SIPA1L1: variants seen among roughly 807,000 people sequenced by gnomAD.
SIPA1L1 encodes signal-induced proliferation-associated 1-like protein 1.
Under a neutral mutation model 162.7 loss-of-function variants are expected in SIPA1L1, and 26 were observed. That is an observed-to-expected ratio of 0.16 (90% CI 0.12 to 0.22). The LOEUF is 0.22. Among genes scored for constraint, SIPA1L1 ranks in the 10% least tolerant of loss-of-function variants. SIPA1L1 has a pLI of 1.00. For missense variants in SIPA1L1, 1,874 were observed against 2,241.0 expected (o/e 0.84, Z 3.31); for synonymous variants, 829 against 837.4 (o/e 0.99, Z 0.17).
intron 17 of SIPA1L1, among the ~76,000 whole-genome samples, chr14:71,712,068 C>G (rs1231998950): frequency 1.3e-5 from 2 of 152,166 alleles, no homozygotes; most frequent in African/African-American, 4.8e-5. Flanking sequence ...AAACTAAAAT[C>G]ACAGCAAATT....
intron 2 of SIPA1L1, among the ~76,000 whole-genome samples, chr14:71,462,640 G>A (rs537536100): frequency 2.6e-5 from 4 of 152,220 alleles, no homozygotes; most frequent in South Asian, 4.1e-4. Flanking sequence ...GAAGTGGAAG[G>A]TCCCTGAATT....
chr14:71,594,180 A>T (rs897065816), intron 5 of SIPA1L1, among the ~76,000 whole-genome samples: 3 of 152,180 alleles, frequency 2.0e-5, no homozygotes, highest in African/African-American at 7.2e-5. Flanking sequence ...GTAATCAGCC[A>T]TCTTTAACAT....
At chr14:71,598,601 T>A (rs1317388880) in intron 5 of SIPA1L1, among the ~76,000 whole-genome samples, 1 of 152,194 alleles carries the variant, frequency 6.6e-6, no homozygotes, top group Non-Finnish European at 1.5e-5. Context: ...AAGGAACTCT[T>A]AGAATCTATA....
intron 2 of SIPA1L1, among the ~76,000 whole-genome samples, chr14:71,328,519 A>G (rs942979064): frequency 3.3e-5 from 5 of 152,222 alleles, no homozygotes; most frequent in Admixed American, 1.3e-4. Context: ...TTTTAGATCT[A>G]TGCTTGACAA....
chr14:71,697,940 AAAAAC>A (rs1283993147), intron 13 of SIPA1L1, among the ~76,000 whole-genome samples: 5 of 151,820 alleles, frequency 3.3e-5, no homozygotes, highest in Non-Finnish European at 5.9e-5. Flanking sequence ...AAAACAAAAA[AAAAAC>A]CACAGAAAAC....
At chr14:71,439,477 T>A (rs1567024835) in intron 2 of SIPA1L1, among the ~76,000 whole-genome samples, 1 of 152,368 alleles carries the variant, frequency 6.6e-6, no homozygotes, top group African/African-American at 2.4e-5. Context: ...AAATATATTT[T>A]ATGAGTCAAC....
chr14:71,555,896 G>A (rs1208995908), intron 4 of SIPA1L1, among the ~76,000 whole-genome samples: 1 of 152,168 alleles, frequency 6.6e-6, no homozygotes, highest in African/African-American at 2.4e-5. Flanking sequence ...TCTTCTGTGA[G>A]TGCAGTTTGT....
At chr14:71,436,194 G>A (rs907569090) in intron 2 of SIPA1L1, among the ~76,000 whole-genome samples, 4 of 152,154 alleles carry the variant, frequency 2.6e-5, no homozygotes, top group Non-Finnish European at 5.9e-5. Flanking sequence ...AAGGAAATTA[G>A]CACTTTGTGA....
intron 13 of SIPA1L1, among the ~76,000 whole-genome samples, chr14:71,688,254 A>T (rs1177075172): frequency 1.3e-5 from 2 of 152,334 alleles, no homozygotes; most frequent in African/African-American, 2.4e-5. Context: ...CACTGACATG[A>T]TGCTCAAAGG....
At chr14:71,326,061 C>T (rs1161260183) in intron 2 of SIPA1L1, among the ~76,000 whole-genome samples, 1 of 152,094 alleles carries the variant, frequency 6.6e-6, no homozygotes. Context: ...CTCTTTCCTC[C>T]CACAGAGCAG....
chr14:71,686,141 G>A (rs1246688641), intron 13 of SIPA1L1, among the ~76,000 whole-genome samples: 6 of 152,336 alleles, frequency 3.9e-5, no homozygotes, highest in Middle Eastern at 3.4e-3. Context: ...AAAGAATAGT[G>A]AAGAGAAGAC....
chr14:71,426,925 T>G (rs2043613159), intron 2 of SIPA1L1, among the ~76,000 whole-genome samples: 1 of 152,250 alleles, frequency 6.6e-6, no homozygotes, highest in Admixed American at 6.5e-5. Context: ...AATGAACTAA[T>G]AAGAGATTAG....
chr14:71,738,800 C>G (rs1401976315), intron 23 of SIPA1L1, among the ~76,000 whole-genome samples: 2 of 152,172 alleles, frequency 1.3e-5, no homozygotes, highest in Admixed American at 6.5e-5. Context: ...TCCAGGATTA[C>G]TTAGAGCTAA....
chr14:71,450,741 CA>C (rs1428483571), intron 2 of SIPA1L1, among the ~76,000 whole-genome samples: 1 of 151,722 alleles, frequency 6.6e-6, no homozygotes, highest in African/African-American at 2.4e-5. Context: ...TAAAAAAAGA[CA>C]AAAAATATAG....
At chr14:71,445,758 T>C (rs2045299223) in intron 2 of SIPA1L1, among the ~76,000 whole-genome samples, 1 of 152,264 alleles carries the variant, frequency 6.6e-6, no homozygotes, top group Non-Finnish European at 1.5e-5. Flanking sequence ...CTTTCAGTTA[T>C]TGTAGTTGTA....
At chr14:71,441,161 A>G (rs2044821525) in intron 2 of SIPA1L1, among the ~76,000 whole-genome samples, 1 of 152,204 alleles carries the variant, frequency 6.6e-6, no homozygotes, top group Non-Finnish European at 1.5e-5. Flanking sequence ...GACTGGAAAC[A>G]TGGTGTTGTC....
In SIPA1L1 at chr14:71,739,006, T is replaced by C. The variant is rs2085580797; in HGVS notation, c.5209-12T>C. The C allele has an allele frequency of 1.2e-6, 2 of 1,611,796 alleles. No homozygotes were observed. Among genetic ancestry groups the C allele is most frequent in the African/African-American group, 2.7e-5 (2 of 74,844 alleles). ...ACACCTCTTAGCTTTTCTACTTCAC[T>C]CTGCCTCCCAGGAAAAAGAAGACAA... On this transcript the variant is annotated splice_polypyrimidine_tract_variant and intron_variant, in intron 23 of 23. Transcript: ENST00000381232.
intron 5 of SIPA1L1, among the ~76,000 whole-genome samples, chr14:71,603,935 A>ATATATATATT (rs1305745831): frequency 6.9e-6 from 1 of 145,586 alleles, no homozygotes; most frequent in East Asian, 2.0e-4. Context: ...ATATATATTT[A>ATATATATATT]TATATCTATA....
At chr14:71,592,317 C>G (rs910444045) in intron 5 of SIPA1L1, among the ~76,000 whole-genome samples, 13 of 152,156 alleles carry the variant, frequency 8.5e-5, no homozygotes, top group Admixed American at 6.5e-4. Context: ...AAATTAAGCT[C>G]TGTAAAGTAT....
Sources: gnomAD v4.1 joint callset for allele counts (sites outside exome capture counted in the v4.1 genomes callset) on GRCh38, gnomAD v4.1.1 for gene constraint, MANE v1.5 for transcripts, NCBI Gene and HGNC (gene_info 2026-07-23, HGNC 2026-07-21) for gene names.